The following BEST4 variants were observed in gnomAD, a reference collection of about 807,000 sequenced individuals.
The protein encoded by BEST4 is bestrophin 4.
A neutral mutation model predicts 47.1 loss-of-function variants in BEST4; 36 were observed. The ratio of observed to expected loss-of-function variants is 0.76; its 90% CI spans 0.59 to 1.01. The LOEUF (loss-of-function observed/expected upper bound fraction) is 1.01. Among genes scored for constraint, BEST4 ranks in the 50% least tolerant of loss-of-function variants. The probability of loss-of-function intolerance (pLI) is 0.00; values close to 1 mark genes in which losing one functional copy is unlikely to be tolerated. For missense variants in BEST4, 550 were observed against 648.6 expected (o/e 0.85, Z 1.65); for synonymous variants, 250 against 277.8 (o/e 0.90, Z 1.00).
intron 6 of BEST4, 43 bp from the exon 7 acceptor site, chr1:44,785,028 C>T: frequency 6.2e-7 from 1 of 1,611,968 alleles, no homozygotes; most frequent in Non-Finnish European, 8.5e-7. Flanking sequence ...CAGAGCCCCA[C>T]TCTTTTTCCC....
At chr1:44,782,558 C>G (rs1369336605), downstream of BEST4, among the ~76,000 whole-genome samples, 1 of 151,072 alleles carries the variant, frequency 6.6e-6, no homozygotes, top group African/African-American at 2.4e-5. Context: ...TGAACCCAGG[C>G]GGTGGAGGTT....
chr1:44,782,578 C>T (rs374345118), downstream of BEST4, among the ~76,000 whole-genome samples: 105 of 152,002 alleles, frequency 6.9e-4, no homozygotes, highest in African/African-American at 2.5e-3. Context: ...TGCAGTGAGC[C>T]GAGATCAGGC....
At chr1:44,789,563 T>A (rs1281615772), upstream of BEST4, among the ~76,000 whole-genome samples, 2 of 152,060 alleles carry the variant, frequency 1.3e-5, no homozygotes, top group South Asian at 4.1e-4. Flanking sequence ...CTGAGCATGG[T>A]GGCACATGCC....
Position 44,787,746 on chromosome 1 carries a change from C to G in BEST4, c.-41G>C. ...GGGCAGGAGGTCACAAGAGTTGCCC[C>G]CAGGGCTGTCGTTTAGTTCTCCAGA... On this transcript the variant is annotated 5_prime_UTR_variant, in exon 1 of 9. Transcript: ENST00000372207. 1.2e-6 allele frequency: 2 copies of G among 1,611,102 alleles called. No individual in the cohort carries two copies. Among genetic ancestry groups the G allele is most frequent in the Non-Finnish European group, 1.7e-6 (2 of 1,178,900 alleles).
chr1:44,784,153 G>A lies in BEST4; in HGVS notation c.*57C>T. On this transcript the variant is annotated 3_prime_UTR_variant, in exon 9 of 9. Coordinates refer to ENST00000372207, the MANE Select transcript of BEST4 (RefSeq NM_153274.3). The surrounding 1 kb of genome is among the most constrained non-coding windows in gnomAD (Gnocchi z 6.2). ...TAATAGAGCTGGCTGGCAGGACCGG[G>A]CACGGGAGGGAAGGAGGGCAGTGGG... 3.7e-6 allele frequency: 5 copies of A among 1,356,090 alleles called. No individual in the cohort carries two copies. Among genetic ancestry groups the A allele is most frequent in the Non-Finnish European group, 4.7e-6 (5 of 1,058,050 alleles). The allele number at this position is 1,356,090 out of a possible 1,614,324, so 84.0% of individuals were successfully genotyped here.
At position 44,787,649 on chromosome 1, in the gene BEST4, G is replaced by A. The variant is rs1458101793; in HGVS notation, c.57C>T (p.Gly19=). The part of the protein sequence containing the change: ...VAEARFGGFS[G]LLLRWRGSIY... Reference sequence around the variant, plus strand: ...TGCTTCCCCTCCAGCGGAGAAGCAGGCCAGAGAAACCTCCGAAGCGGGCCT... The same window carrying A: ...TGCTTCCCCTCCAGCGGAGAAGCAGACCAGAGAAACCTCCGAAGCGGGCCT... Residue 19 remains glycine, a synonymous_variant, in exon 1 of 9, where the codon GGC becomes GGT. Transcript: ENST00000372207. 9.3e-6 allele frequency: 15 copies of A among 1,614,210 alleles called. No individual in the cohort carries two copies. The highest frequency in any genetic ancestry group is 1.2e-5 in the Non-Finnish European group (14 of 1,180,026).
At position 44,786,562 on chromosome 1, in the gene BEST4, G is replaced by T; in HGVS notation, c.382C>A (p.Leu128Ile). Reference sequence around the variant, plus strand: ...GACGCCAGGTTCGCGTAGCGGATGAGGGTGCGGCGCAGCAGGCGGCCCCGC... The same window carrying T: ...GACGCCAGGTTCGCGTAGCGGATGATGGTGCGGCGCAGCAGGCGGCCCCGC... ...DQRGRLLRRT[L>I]IRYANLASVL... Residue 128 changes from leucine (L) to isoleucine (I), a missense_variant, in exon 3 of 9, where the codon CTC becomes ATC. Around this residue, in one of 3 missense-constraint regions of BEST4, gnomAD observed 291 missense variants for 342.4 expected, o/e 0.85. Transcript: ENST00000372207. The surrounding 1 kb of genome is among the most constrained non-coding windows in gnomAD (Gnocchi z 4.9). 1 of 1,550,482 alleles carries T rather than the reference G, an allele frequency of 6.4e-7. No homozygotes were observed. The highest frequency in any genetic ancestry group is 8.7e-7 in the Non-Finnish European group (1 of 1,147,280).
chr1:44,787,857 AG>A lies in BEST4; in HGVS notation c.-153del, dbSNP rs148340294. On this transcript the variant is annotated 5_prime_UTR_variant, in exon 1 of 9. It removes the in-frame stop codon of an upstream open reading frame in the 5' UTR. Coordinates refer to ENST00000372207, the MANE Select transcript of BEST4 (RefSeq NM_153274.3). Reference sequence around the variant, plus strand: ...GGGGTAGGAGCCTGCAGAGCAGAAAAGTACACCCCACCCCCTGCAGAACTGA... The same window carrying A: ...GGGGTAGGAGCCTGCAGAGCAGAAAATACACCCCACCCCCTGCAGAACTGA... The A allele has an allele frequency of 9.3e-3, 8,330 of 892,514 alleles. 494 individuals are homozygous for A. The African/African-American group carries it at 0.12, about 13-fold the overall frequency. The allele number at this position is 892,514 out of a possible 1,614,324, so 55.3% of individuals were successfully genotyped here.
At chr1:44,787,531 C>T in intron 1 of BEST4, 23 bp downstream of exon 1, 1 of 1,614,158 alleles carries the variant, frequency 6.2e-7, no homozygotes, top group African/African-American at 1.3e-5. Context: ...CCACTTGCGC[C>T]AGCTCTAAGA....
At chr1:44,791,225 AG>A (rs1479784025), upstream of BEST4, among the ~76,000 whole-genome samples, 3 of 144,920 alleles carry the variant, frequency 2.1e-5, no homozygotes, top group African/African-American at 5.3e-5. Context: ...AGAGAGAGAG[AG>A]AGAGTATGTG....
At chr1:44,787,314 C>T in intron 2 of BEST4, 58 bp downstream of exon 2, 1 of 1,573,866 alleles carries the variant, frequency 6.4e-7, no homozygotes, top group Non-Finnish European at 8.7e-7. Flanking sequence ...GTCAACCCAA[C>T]CCAGAGGTCA....
chr1:44,785,062 C>A, intron 6 of BEST4, 46 bp downstream of exon 6: 1 of 1,610,590 alleles, frequency 6.2e-7, no homozygotes. Flanking sequence ...GCCCCTCTGC[C>A]CACATCTCCA....
Position 44,786,714 on chromosome 1 carries a change from TAG to T in BEST4, c.248-20_248-19del. Reference sequence around the variant, plus strand: ...ATAGAAACCTGCTTGGCCGCCGTGATAGAGGGAGTAGGAAGGGAGAGTGGAGA... The same window carrying T: ...ATAGAAACCTGCTTGGCCGCCGTGATAGGGAGTAGGAAGGGAGAGTGGAGA... On this transcript the variant is annotated intron_variant, in intron 2 of 8. Coordinates refer to ENST00000372207, the MANE Select transcript of BEST4 (RefSeq NM_153274.3). This position sits in a 1 kb window ranked among gnomAD's most constrained non-coding sequence, Gnocchi z 4.9. 1 of 1,535,958 alleles carries T rather than the reference TAG, an allele frequency of 6.5e-7. No individual in the cohort carries two copies. The highest frequency in any genetic ancestry group is 2.5e-5 in the East Asian group (1 of 40,646).
In BEST4 at chr1:44,785,643, G is replaced by C. The variant is rs1254582311; in HGVS notation, c.670C>G (p.Leu224Val). ...LNKYRAKCSMLFHYDWISIPL... is the reference protein window; with the variant it reads ...LNKYRAKCSMVFHYDWISIPL... Reference sequence around the variant, plus strand: ...ATGCTGATCCAGTCATAGTGGAATAGCATGCTGCACTTGGCTCGGTACTTG... The same window carrying C: ...ATGCTGATCCAGTCATAGTGGAATACCATGCTGCACTTGGCTCGGTACTTG... The change falls in exon 5 of 9, where the codon CTA becomes GTA. Residue 224 changes from leucine to valine, a missense_variant. Leu to Val is a conservative substitution (Grantham distance 32). Coordinates refer to ENST00000372207, the MANE Select transcript of BEST4 (RefSeq NM_153274.3). 6.4e-7 allele frequency: 1 copy of C among 1,555,468 alleles called. No homozygotes were observed. The highest frequency in any genetic ancestry group is 1.2e-5 in the South Asian group (1 of 84,196).
chr1:44,787,327 G>A (rs369805079), intron 2 of BEST4, 45 bp downstream of exon 2: 4 of 1,598,678 alleles, frequency 2.5e-6, no homozygotes, highest in Admixed American at 3.3e-5. Flanking sequence ...AGAGGTCAGG[G>A]AACACAGTAA....
intron 4 of BEST4, among the ~76,000 whole-genome samples, 195 bp from the exon 5 acceptor site, chr1:44,785,871 TC>T (rs1651199823): frequency 6.6e-6 from 1 of 152,224 alleles, no homozygotes; most frequent in Non-Finnish European, 1.5e-5. Flanking sequence ...ACTCTGTGCC[TC>T]AGTTTCCACA....
In BEST4 at chr1:44,784,272, C is replaced by A. The variant is rs1011168159; in HGVS notation, c.1360G>T (p.Glu454Ter). ...RFRAEEGGDP[E>*]AAARIEEESA... ...TCCTCCTCGATGCGGGCTGCGGCCT[C>A]GGGGTCGCCGCCCTCCTCCGCCCGG... Residue 454 changes from glutamate to a stop codon, truncating the protein, a stop_gained, in exon 9 of 9, where the codon GAG becomes TAG. Transcript: ENST00000372207. LOFTEE classifies it low-confidence loss of function (END_TRUNC). This position sits in a 1 kb window ranked among gnomAD's most constrained non-coding sequence, Gnocchi z 6.2. The A allele has an allele frequency of 7.0e-7, 1 of 1,437,536 alleles. No individual in the cohort carries two copies. The highest frequency in any genetic ancestry group is 9.0e-7 in the Non-Finnish European group (1 of 1,105,170). The allele number at this position is 1,437,536 out of a possible 1,614,324, so 89.0% of individuals were successfully genotyped here.
chr1:44,785,191 G>C lies in BEST4; in HGVS notation c.829C>G (p.Pro277Ala). Residue 277 changes from proline (P) to alanine (A), a missense_variant, in exon 6 of 9, where the codon CCA becomes GCA. Physicochemically the swap from Pro to Ala is conservative, Grantham distance 27. This residue lies in a region of BEST4 where 255 missense variants were observed against 286.6 expected (regional missense o/e 0.89). Coordinates refer to ENST00000372207, the MANE Select transcript of BEST4 (RefSeq NM_153274.3). ...PQKLLKPGQEPAPALGDPDMY... is the reference protein window; with the variant it reads ...PQKLLKPGQEAAPALGDPDMY... Reference sequence around the variant, plus strand: ...TCCGGGTCTCCCAGGGCTGGGGCTGGCTCCTGGCCTGGCTTCAGAAGCTTC... The same window carrying C: ...TCCGGGTCTCCCAGGGCTGGGGCTGCCTCCTGGCCTGGCTTCAGAAGCTTC... The C allele has an allele frequency of 6.2e-7, 1 of 1,614,010 alleles. No homozygotes were observed. The highest frequency in any genetic ancestry group is 8.5e-7 in the Non-Finnish European group (1 of 1,180,008).
chr1:44,783,851 T>C lies in BEST4; in HGVS notation c.*359A>G. The C allele has an allele frequency of 5.1e-6, 1 of 197,122 alleles. No individual in the cohort carries two copies. 12.2% of individuals were successfully genotyped at this position (197,122 alleles called of 1,614,324 possible). A position where few individuals can be genotyped will look rare whatever the true frequency, so the allele number is the denominator to read the frequency against. On this transcript the variant is annotated 3_prime_UTR_variant, in exon 9 of 9. Coordinates refer to ENST00000372207, the MANE Select transcript of BEST4 (RefSeq NM_153274.3). ...AAATGCTGGGAGTGGTGCCCAGCAC[T>C]CTTTTGACAAGACCTTCCGTGATGC...
Sources: allele counts gnomAD v4.1 joint callset (sites outside exome capture counted in the v4.1 genomes callset), GRCh38; gene constraint gnomAD v4.1.1; regional missense constraint gnomAD v4.1.1; non-coding constraint Gnocchi (gnomAD v3.1); transcripts MANE v1.5; gene names NCBI Gene and HGNC (gene_info 2026-07-23, HGNC 2026-07-21).